Variants in STAU1 observed in about 807,000 individuals in gnomAD.
STAU1 encodes double-stranded RNA-binding protein Staufen homolog 1.
In STAU1, 13 loss-of-function variants were observed where a neutral mutation model predicts 62.9. The observed-to-expected ratio is 0.21, with a 90% CI of 0.13 to 0.33. STAU1 has a LOEUF of 0.33. Among genes scored for constraint, STAU1 ranks in the 10% least tolerant of loss-of-function variants. The pLI is 1.00. For missense variants in STAU1, 571 were observed against 712.1 expected (o/e 0.80, Z 2.25); for synonymous variants, 269 against 265.1 (o/e 1.01, Z -0.14).
At chr20:49,183,141 A>G (rs2093746912) in intron 1 of STAU1, among the ~76,000 whole-genome samples, 1 of 152,230 alleles carries the variant, frequency 6.6e-6, no homozygotes, top group Non-Finnish European at 1.5e-5. Context: ...GAAGCATTTC[A>G]ACCACAAATG....
At chr20:49,174,130 T>C (rs2093630399) in intron 2 of STAU1, 65 bp downstream of exon 2, 1 of 152,152 alleles carries the variant, frequency 6.6e-6, no homozygotes, top group Admixed American at 6.5e-5. Context: ...CACAACTCAT[T>C]AAAGAATTCA....
chr20:49,183,225 C>G (rs2093747870), intron 1 of STAU1, among the ~76,000 whole-genome samples: 1 of 152,168 alleles, frequency 6.6e-6, no homozygotes, highest in African/African-American at 2.4e-5. Flanking sequence ...ATAAAATTCT[C>G]TAAACATTTT....
intron 3 of STAU1, among the ~76,000 whole-genome samples, chr20:49,155,830 G>C (rs1041389806): frequency 2.0e-5 from 3 of 152,184 alleles, no homozygotes; most frequent in African/African-American, 7.2e-5. Flanking sequence ...TAAACATGAA[G>C]AAAGTATACT....
At chr20:49,155,039 T>C (rs995265127) in intron 3 of STAU1, among the ~76,000 whole-genome samples, 1 of 151,700 alleles carries the variant, frequency 6.6e-6, no homozygotes, top group African/African-American at 2.4e-5. Context: ...TGAGTCGAGA[T>C]TGCGTCACTG....
At chr20:49,167,447 A>T (rs2093541411) in intron 2 of STAU1, among the ~76,000 whole-genome samples, 1 of 152,250 alleles carries the variant, frequency 6.6e-6, no homozygotes, top group African/African-American at 2.4e-5. Flanking sequence ...TCTCTTACTG[A>T]GAGCAAAAAG....
intron 3 of STAU1, among the ~76,000 whole-genome samples, chr20:49,156,508 A>G (rs898093495): frequency 2.0e-5 from 3 of 152,180 alleles, no homozygotes; most frequent in Non-Finnish European, 4.4e-5. Flanking sequence ...TGGCCCATGC[A>G]TAAGACCTGG....
chr20:49,178,309 T>A (rs1456965674), intron 1 of STAU1, among the ~76,000 whole-genome samples: 1 of 151,794 alleles, frequency 6.6e-6, no homozygotes, highest in South Asian at 2.1e-4. Context: ...ACTGCAATTT[T>A]CCCCAGTCAA....
rs1309502249 is a variant in STAU1 at position 49,114,268 on chromosome 20, TATCA to T, written c.*606_*609del. 6.5e-6 allele frequency: 1 copy of T among 152,722 alleles called. No individual in the cohort carries two copies. Among genetic ancestry groups the T allele is most frequent in the Non-Finnish European group, 1.5e-5 (1 of 68,102 alleles). The allele number at this position is 152,722 out of a possible 1,614,324, so 9.5% of individuals were successfully genotyped here. On this transcript the variant is annotated 3_prime_UTR_variant, in exon 14 of 14. Coordinates refer to ENST00000371856, the MANE Select transcript of STAU1 (RefSeq NM_017453.4). ...CAAATGAAAATTTTATATAGTGTCA[TATCA>T]ATCAAAAGAAAATAATGAAACTAAG...
At chr20:49,159,442 G>C (rs547583973) in intron 3 of STAU1, among the ~76,000 whole-genome samples, 1 of 152,308 alleles carries the variant, frequency 6.6e-6, no homozygotes, top group Admixed American at 6.5e-5. Context: ...AAGTGAGAAA[G>C]TGCATTAGCC....
chr20:49,207,683 T>A, the STAU1 span, among the ~76,000 whole-genome samples: 1 of 85,624 alleles, frequency 1.2e-5, no homozygotes, highest in Non-Finnish European at 2.5e-5. Context: ...ACCTGCGTAA[T>A]TTTTTGTATT....
intron 2 of STAU1, among the ~76,000 whole-genome samples, 192 bp downstream of exon 2, chr20:49,174,003 C>T (rs2093629132): frequency 6.6e-6 from 1 of 152,142 alleles, no homozygotes; most frequent in Non-Finnish European, 1.5e-5. Context: ...GCTTTACATT[C>T]TTGCCAATAA....
chr20:49,155,914 G>C (rs76523200), intron 3 of STAU1, among the ~76,000 whole-genome samples: 1,801 of 152,194 alleles, frequency 0.012, 41 homozygotes, highest in African/African-American at 0.04. Flanking sequence ...CGAAGACCTG[G>C]GATGACTTCA....
chr20:49,129,206 T>C (rs1407779712), intron 6 of STAU1, among the ~76,000 whole-genome samples: 1 of 151,518 alleles, frequency 6.6e-6, no homozygotes, highest in African/African-American at 2.4e-5. Context: ...GTATTGCTAG[T>C]CTTCATGGAG....
At chr20:49,172,460 T>C in intron 2 of STAU1, among the ~76,000 whole-genome samples, 1 of 152,210 alleles carries the variant, frequency 6.6e-6, no homozygotes, top group Admixed American at 6.5e-5. Flanking sequence ...AATGAATACC[T>C]GTTCATGATC....
chr20:49,120,013 G>T lies in STAU1; in HGVS notation c.1082C>A (p.Pro361His). 1 of 1,614,176 alleles carries T rather than the reference G, an allele frequency of 6.2e-7. No homozygotes were observed. ...CTCTGACTTGAGTGCGGGTTTGGTGGGCTGCGCCTGCGGGACTTTGAAACC... is the reference window on the plus strand; with the variant it reads ...CTCTGACTTGAGTGCGGGTTTGGTGTGCTGCGCCTGCGGGACTTTGAAACC... The part of the protein sequence containing the change: ...ILGFKVPQAQ[P>H]TKPALKSEEK... Residue 361 changes from proline to histidine, a missense_variant, in exon 9 of 14, where the codon CCC becomes CAC. Physicochemically the swap from Pro to His is moderately conservative, Grantham distance 77. Around this residue, in one of 3 missense-constraint regions of STAU1, gnomAD observed 414 missense variants for 499.6 expected, o/e 0.83. Coordinates refer to ENST00000371856, the MANE Select transcript of STAU1 (RefSeq NM_017453.4).
chr20:49,202,390 G>T, the STAU1 span, among the ~76,000 whole-genome samples: 28 of 150,092 alleles, frequency 1.9e-4, no homozygotes, highest in Admixed American at 6.7e-5. Flanking sequence ...GGTAAAACTC[G>T]ATCTCTACTT....
intron 4 of STAU1, 34 bp from the exon 5 acceptor site, chr20:49,151,781 C>A: frequency 1.3e-6 from 2 of 1,590,280 alleles, no homozygotes; most frequent in South Asian, 1.1e-5. Flanking sequence ...AAATTACAGT[C>A]TCAAGTTGAT....
rs1332788391 is a variant in STAU1 at position 49,126,526 on chromosome 20, C to G, written c.610-1939G>C. ...AAGGCTACAGGGAGCTATGATCACA[C>G]AACTGCACCCCAGCCTGGGCAACAG... On this transcript the variant is annotated intron_variant, in intron 6 of 13. Coordinates refer to ENST00000371856, the MANE Select transcript of STAU1 (RefSeq NM_017453.4). Among the ~76,000 whole-genome samples, 5 of 121,056 alleles carry G rather than the reference C, an allele frequency of 4.1e-5. 1 individual carries two copies. Among genetic ancestry groups the G allele is most frequent in the African/African-American group, 1.6e-4 (5 of 31,092 alleles). The allele number at this position is 121,056 out of a possible 152,430, so 79.4% of individuals were successfully genotyped here.
chr20:49,128,806 C>T (rs2092690018), intron 6 of STAU1, among the ~76,000 whole-genome samples: 1 of 150,086 alleles, frequency 6.7e-6, no homozygotes, highest in Non-Finnish European at 1.5e-5. Context: ...CAAAAACATC[C>T]CTTATGTCAC....
Sources: gnomAD v4.1 joint callset for allele counts (sites outside exome capture counted in the v4.1 genomes callset) on GRCh38, gnomAD v4.1.1 for gene constraint, gnomAD v4.1.1 regional missense constraint, MANE v1.5 for transcripts, NCBI Gene and HGNC (gene_info 2026-07-23, HGNC 2026-07-21) for gene names.